The following KCNQ1 variants were observed in gnomAD, a reference collection of about 807,000 sequenced individuals.
The protein encoded by KCNQ1 is potassium voltage-gated channel subfamily KQT member 1.
Under a neutral mutation model 72.4 loss-of-function variants are expected in KCNQ1, and 49 were observed. That is an observed-to-expected ratio of 0.68 (90% confidence interval 0.54 to 0.86). The LOEUF (loss-of-function observed/expected upper bound fraction) is 0.86. KCNQ1 is among the 40% of genes least tolerant of loss of function. The probability of loss-of-function intolerance (pLI) is 0.00; values close to 1 mark genes in which losing one functional copy is unlikely to be tolerated. For synonymous variants in KCNQ1, 450 were observed against 412.6 expected (o/e 1.09, Z -1.10); for missense variants, 790 against 945.1 (o/e 0.84, Z 2.15).
intron 11 of KCNQ1, chr11:2,689,864 C>A: frequency 2.5e-6 from 1 of 398,838 alleles, no homozygotes; most frequent in Non-Finnish European, 4.4e-6. Flanking sequence ...AGCACCCACC[C>A]CTGCCTATCC....
Position 2,536,281 on chromosome 11 carries a change from C to T in KCNQ1, c.477+8263C>T, listed in dbSNP as rs1435630087. On this transcript the variant is annotated intron_variant, in intron 2 of 15. Coordinates refer to ENST00000155840, the MANE Select transcript of KCNQ1 (RefSeq NM_000218.3). This position sits in a 1 kb window ranked among gnomAD's most constrained non-coding sequence, Gnocchi z 7.4. Reference sequence around the variant, plus strand: ...CAGAGACTCCGGCCCCACCAGGCTTCCTGTACTTGGTGATAAACACACCAT... The same window carrying T: ...CAGAGACTCCGGCCCCACCAGGCTTTCTGTACTTGGTGATAAACACACCAT... Among the ~76,000 whole-genome samples, 3 of 152,232 alleles carry T rather than the reference C, an allele frequency of 2.0e-5. No individual in the cohort carries two copies. Among genetic ancestry groups the T allele is most frequent in the Admixed American group, 2.0e-4 (3 of 15,288 alleles).
At position 2,813,417 on chromosome 11, in the gene KCNQ1, GC is replaced by G. The variant is rs71029160; in HGVS notation, c.1795-34347del. ...CTCTTTTTCACCCCCAAACCCGCCT[GC>G]CCGTCAGTGCTTAGAGCAAATGCCC... On this transcript the variant is annotated intron_variant, in intron 15 of 15. Coordinates refer to ENST00000155840, the MANE Select transcript of KCNQ1 (RefSeq NM_000218.3). This position sits in a 1 kb window ranked among gnomAD's most constrained non-coding sequence, Gnocchi z 4.4. 0.83 allele frequency among the ~76,000 whole-genome samples: 125,407 copies of G among 151,622 alleles called. 52,087 individuals are homozygous for G. The highest frequency in any genetic ancestry group is 0.97 in the East Asian group (4,904 of 5,062).
At chr11:2,634,256 G>A in intron 10 of KCNQ1, 1 of 377,122 alleles carries the variant, frequency 2.7e-6, no homozygotes. Flanking sequence ...TGCCATGTTG[G>A]TGTGCTGCAC....
Position 2,621,600 on chromosome 11 carries a change from T to A in KCNQ1, c.1393+32746T>A. ...TCTGTTCAGGCTTTCTATTCCTGAT[T>A]TAATCTTAGCAGGTTGGTTTTTTTC... On this transcript the variant is annotated intron_variant, in intron 10 of 15. Transcript: ENST00000155840. This position sits in a 1 kb window ranked among gnomAD's most constrained non-coding sequence, Gnocchi z 5.7. 1 of 398,520 alleles carries A rather than the reference T, an allele frequency of 2.5e-6. No individual in the cohort carries two copies. The highest frequency in any genetic ancestry group is 4.4e-6 in the Non-Finnish European group (1 of 226,018). The allele number at this position is 398,520 out of a possible 1,614,324, so 24.7% of individuals were successfully genotyped here. A position where few individuals can be genotyped will look rare whatever the true frequency, so the allele number is the denominator to read the frequency against.
At chr11:2,685,569 C>A (rs764107481) in intron 11 of KCNQ1, 15 of 398,566 alleles carry the variant, frequency 3.8e-5, no homozygotes, top group Non-Finnish European at 6.2e-5. Context: ...GCTCTTGGCC[C>A]TTCCATACAG....
At position 2,668,496 on chromosome 11, in the gene KCNQ1, G is replaced by GT; in HGVS notation, c.1514+6416dup. Reference sequence around the variant, plus strand: ...TTCCTTTTCAGCCATGATGGTGAATGTCTAGCAGCATCAAATGGTGATTTT... The same window carrying GT: ...TTCCTTTTCAGCCATGATGGTGAATGTTCTAGCAGCATCAAATGGTGATTTT... On this transcript the variant is annotated intron_variant, in intron 11 of 15. Coordinates refer to ENST00000155840, the MANE Select transcript of KCNQ1 (RefSeq NM_000218.3). The surrounding 1 kb of genome is among the most constrained non-coding windows in gnomAD (Gnocchi z 4.3). The GT allele has an allele frequency of 2.5e-6, 1 of 398,618 alleles. No homozygotes were observed. The highest frequency in any genetic ancestry group is 4.4e-6 in the Non-Finnish European group (1 of 226,060). 24.7% of individuals were successfully genotyped at this position (398,618 alleles called of 1,614,324 possible).
intron 11 of KCNQ1, among the ~76,000 whole-genome samples, chr11:2,733,808 A>ACTCTCTCT (rs1564875269): frequency 1.6e-5 from 1 of 63,330 alleles, no homozygotes; most frequent in African/African-American, 7.4e-5. Flanking sequence ...ACACACACAC[A>ACTCTCTCT]CACACACTCT....
At position 2,495,840 on chromosome 11, in the gene KCNQ1, A is replaced by AT. The variant is rs1314377685; in HGVS notation, c.387-32087dup. Among the ~76,000 whole-genome samples the AT allele has an allele frequency of 6.6e-6, 1 of 152,204 alleles. No individual in the cohort carries two copies. Among genetic ancestry groups the AT allele is most frequent in the Non-Finnish European group, 1.5e-5 (1 of 68,030 alleles). On this transcript the variant is annotated intron_variant, in intron 1 of 15. Transcript: ENST00000155840. This position sits in a 1 kb window ranked among gnomAD's most constrained non-coding sequence, Gnocchi z 4.6. ...TGATTTGGGGTGGAAAGTTCTGTAG[A>AT]TGTCTATTAGGTCCGCTTGGTCCAG...
chr11:2,536,899 G>C lies in KCNQ1; in HGVS notation c.477+8881G>C, dbSNP rs770550536. 2.0e-5 allele frequency among the ~76,000 whole-genome samples: 3 copies of C among 151,972 alleles called. No homozygotes were observed. The highest frequency in any genetic ancestry group is 4.4e-5 in the Non-Finnish European group (3 of 68,030). ...CGGCTTCTGAGGGTGGCTAGCAACT[G>C]TCTTCTAGATGTAGTACCCCAATCC... On this transcript the variant is annotated intron_variant, in intron 2 of 15. Transcript: ENST00000155840. This position sits in a 1 kb window ranked among gnomAD's most constrained non-coding sequence, Gnocchi z 7.4.
Position 2,526,999 on chromosome 11 carries a change from C to T in KCNQ1, c.387-929C>T, listed in dbSNP as rs1847521362. ...CGGGGGTCCCTGGAGTCTCCGGAGCCCGTGGGAATCCCCCTAGAGGCGGGA... is the reference window on the plus strand; with the variant it reads ...CGGGGGTCCCTGGAGTCTCCGGAGCTCGTGGGAATCCCCCTAGAGGCGGGA... On this transcript the variant is annotated intron_variant, in intron 1 of 15. Transcript: ENST00000155840. The surrounding 1 kb of genome is among the most constrained non-coding windows in gnomAD (Gnocchi z 6.1). Among the ~76,000 whole-genome samples the T allele has an allele frequency of 6.6e-6, 1 of 152,134 alleles. No homozygotes were observed. Among genetic ancestry groups the T allele is most frequent in the Non-Finnish European group, 1.5e-5 (1 of 68,010 alleles).
At chr11:2,445,747 T>TA (rs1846028304) in intron 1 of KCNQ1, among the ~76,000 whole-genome samples, 1 of 152,144 alleles carries the variant, frequency 6.6e-6, no homozygotes, top group East Asian at 1.9e-4. Context: ...AGCCCAGAAT[T>TA]TGGCTCCACA....
At chr11:2,796,052 C>G (rs534101452) in intron 15 of KCNQ1, among the ~76,000 whole-genome samples, 1 of 152,180 alleles carries the variant, frequency 6.6e-6, no homozygotes, top group African/African-American at 2.4e-5. Context: ...TTGAACCCAC[C>G]GTGCTTGGTG....
At chr11:2,649,465 G>C (rs1849724645) in intron 10 of KCNQ1, 1 of 398,428 alleles carries the variant, frequency 2.5e-6, no homozygotes, top group African/African-American at 2.1e-5. Context: ...TTGTGGGGCT[G>C]ATTTAGTAGT....
chr11:2,630,819 T>C, intron 10 of KCNQ1: 2 of 398,514 alleles, frequency 5.0e-6, no homozygotes, highest in Non-Finnish European at 8.8e-6. Context: ...GTCTTGTATC[T>C]GTTTCATATC....
At chr11:2,525,666 T>G (rs1015767871) in intron 1 of KCNQ1, among the ~76,000 whole-genome samples, 2 of 151,930 alleles carry the variant, frequency 1.3e-5, no homozygotes, top group African/African-American at 4.8e-5. Flanking sequence ...CAAGGAGGGG[T>G]AGGGCTGCAT....
chr11:2,754,344 G>C (rs1430704257), intron 11 of KCNQ1, among the ~76,000 whole-genome samples: 1 of 152,226 alleles, frequency 6.6e-6, no homozygotes, highest in African/African-American at 2.4e-5. Flanking sequence ...CTCACCTGCA[G>C]CCCAGGCATC....
At chr11:2,527,073 C>G (rs1847523134) in intron 1 of KCNQ1, among the ~76,000 whole-genome samples, 3 of 152,182 alleles carry the variant, frequency 2.0e-5, no homozygotes, top group African/African-American at 7.2e-5. Context: ...GCAGCAGCTC[C>G]CTATCTTTAT....
At chr11:2,753,555 T>C (rs1351803445) in intron 11 of KCNQ1, among the ~76,000 whole-genome samples, 1 of 152,234 alleles carries the variant, frequency 6.6e-6, no homozygotes, top group Admixed American at 6.5e-5. Context: ...CTGGGAGTGA[T>C]CTGGGACAGT....
At chr11:2,844,053 C>T (rs1848267308) in intron 15 of KCNQ1, among the ~76,000 whole-genome samples, 1 of 152,228 alleles carries the variant, frequency 6.6e-6, no homozygotes, top group Non-Finnish European at 1.5e-5. Context: ...TGCACCTCCG[C>T]ATGGGTGGGG....
Sources: allele counts gnomAD v4.1 joint callset (sites outside exome capture counted in the v4.1 genomes callset), GRCh38; gene constraint gnomAD v4.1.1; non-coding constraint Gnocchi (gnomAD v3.1); transcripts MANE v1.5; gene names NCBI Gene and HGNC (gene_info 2026-07-23, HGNC 2026-07-21).